Variants in LARGE1 observed in about 807,000 individuals in gnomAD.
The protein encoded by LARGE1 is LARGE xylosyl- and glucuronyltransferase 1, also known as xylosyl- and glucuronyltransferase LARGE1.
Under a neutral mutation model 87.6 loss-of-function variants are expected in LARGE1, and 43 were observed. The ratio of observed to expected loss-of-function variants is 0.49; its 90% CI spans 0.38 to 0.63. The LOEUF (loss-of-function observed/expected upper bound fraction) is 0.63, where lower values mean the gene tolerates loss of function less well. LARGE1 is among the 30% of genes least tolerant of loss of function. LARGE1 has a pLI of 0.00. For missense variants in LARGE1, 802 were observed against 1,000.2 expected, an observed-to-expected ratio of 0.80 and a Z score of 2.67; for synonymous variants, 434 against 394.6, an observed-to-expected ratio of 1.10 and a Z score of -1.18.
chr22:33,642,302 A>T (rs991698647), intron 3 of LARGE1, among the ~76,000 whole-genome samples: 10 of 152,310 alleles, frequency 6.6e-5, no homozygotes, highest in African/African-American at 2.4e-4. Flanking sequence ...AGCAAAGGAG[A>T]AATAAAATCC....
At chr22:33,782,822 G>A (rs1253253331) in intron 1 of LARGE1, among the ~76,000 whole-genome samples, 11 of 148,050 alleles carry the variant, frequency 7.4e-5, no homozygotes, top group African/African-American at 1.8e-4. Context: ...CCAACATCAC[G>A]CCACTGCACT....
chr22:33,629,493 T>C (rs1438210790), intron 3 of LARGE1, among the ~76,000 whole-genome samples: 4 of 152,276 alleles, frequency 2.6e-5, no homozygotes, highest in Middle Eastern at 3.4e-3. Context: ...TCTGGAGGCA[T>C]AGCAGCAGGG....
At chr22:33,885,202 G>A (rs2064810546) in intron 1 of LARGE1, among the ~76,000 whole-genome samples, 1 of 103,564 alleles carries the variant, frequency 9.7e-6, no homozygotes, top group Admixed American at 1.0e-4. Context: ...GTGTTCCACA[G>A]GCGATACCAT....
At chr22:33,365,189 G>A (rs1281698642) in intron 9 of LARGE1, among the ~76,000 whole-genome samples, 1 of 152,054 alleles carries the variant, frequency 6.6e-6, no homozygotes, top group Non-Finnish European at 1.5e-5. Flanking sequence ...GCTCACTGAT[G>A]GCTGAACCTG....
intron 2 of LARGE1, among the ~76,000 whole-genome samples, chr22:33,741,616 T>A (rs1252649911): frequency 6.6e-6 from 1 of 152,192 alleles, no homozygotes; most frequent in Non-Finnish European, 1.5e-5. Flanking sequence ...AAGAGCAGGC[T>A]TCTGGCAGCA....
chr22:33,733,506 G>A (rs748004490), intron 2 of LARGE1: 1 of 152,204 alleles, frequency 6.6e-6, no homozygotes, highest in East Asian at 1.9e-4. Context: ...GCCTGCCAAA[G>A]AGACTCAAAT....
intron 12 of LARGE1, among the ~76,000 whole-genome samples, chr22:33,284,936 C>A (rs919767663): frequency 1.3e-4 from 20 of 152,184 alleles, no homozygotes; most frequent in African/African-American, 3.6e-4. Flanking sequence ...CTTTATGAGA[C>A]CTGCCATCCT....
intron 4 of LARGE1, among the ~76,000 whole-genome samples, chr22:33,606,004 A>G (rs893507698): frequency 5.3e-5 from 8 of 152,140 alleles, no homozygotes; most frequent in African/African-American, 1.4e-4. Flanking sequence ...AGCAACAGAC[A>G]AAGGCTGGGC....
chr22:33,481,220 TACACACACAC>T (rs71785834), intron 6 of LARGE1, among the ~76,000 whole-genome samples: 2 of 146,620 alleles, frequency 1.4e-5, no homozygotes, highest in Admixed American at 6.8e-5. Context: ...GCACTATAGA[TACACACACAC>T]ACACACACAC....
At chr22:33,421,980 A>T (rs1376455461) in intron 7 of LARGE1, among the ~76,000 whole-genome samples, 1 of 152,248 alleles carries the variant, frequency 6.6e-6, no homozygotes, top group African/African-American at 2.4e-5. Context: ...AGTGGAGAGA[A>T]GTAGCCCATG....
intron 2 of LARGE1, among the ~76,000 whole-genome samples, chr22:33,723,025 G>C (rs977023572): frequency 2.6e-5 from 4 of 152,084 alleles, no homozygotes; most frequent in Non-Finnish European, 5.9e-5. Flanking sequence ...GCAATGAGGA[G>C]CCACAGAAAG....
intron 1 of LARGE1, among the ~76,000 whole-genome samples, chr22:33,846,285 T>C (rs1413252588): frequency 6.6e-6 from 1 of 152,262 alleles, no homozygotes; most frequent in Non-Finnish European, 1.5e-5. Flanking sequence ...CTTATGCCTG[T>C]CTTTACTGCA....
At chr22:33,867,040 C>T (rs2064125866) in intron 1 of LARGE1, among the ~76,000 whole-genome samples, 1 of 152,112 alleles carries the variant, frequency 6.6e-6, no homozygotes, top group African/African-American at 2.4e-5. Context: ...AAGGTGGCAT[C>T]TGACAAAAAG....
chr22:33,348,280 A>ACCCCCC (rs11327050), intron 9 of LARGE1, among the ~76,000 whole-genome samples: 4 of 100,864 alleles, frequency 4.0e-5, no homozygotes, highest in Non-Finnish European at 4.1e-5. Context: ...TCCCCCACCC[A>ACCCCCC]CCCCCCCCCA....
At chr22:33,915,517 A>G (rs966568462) in intron 1 of LARGE1, among the ~76,000 whole-genome samples, 1 of 152,200 alleles carries the variant, frequency 6.6e-6, no homozygotes, top group South Asian at 2.1e-4. Flanking sequence ...TGCCAGGTGT[A>G]ATTCATGTAC....
intron 5 of LARGE1, among the ~76,000 whole-genome samples, chr22:33,593,337 C>T (rs1483897132): frequency 6.6e-6 from 1 of 152,168 alleles, no homozygotes; most frequent in Non-Finnish European, 1.5e-5. Context: ...GCCACTGCAC[C>T]TGGCCTATTG....
intron 7 of LARGE1, among the ~76,000 whole-genome samples, chr22:33,429,585 T>G (rs2067005649): frequency 6.6e-6 from 1 of 152,216 alleles, no homozygotes; most frequent in Admixed American, 6.5e-5. Flanking sequence ...CAGCGGCTTT[T>G]GTTTTACGCA....
chr22:33,421,210 AAATCAATCAATC>A (rs146615068), intron 7 of LARGE1, among the ~76,000 whole-genome samples: 40 of 141,674 alleles, frequency 2.8e-4, no homozygotes, highest in East Asian at 3.9e-4. Flanking sequence ...AAATAAAATA[AAATCAATCAATC>A]AATCAATCAA....
intron 1 of LARGE1, among the ~76,000 whole-genome samples, chr22:33,840,665 G>C (rs1219664691): frequency 4.7e-5 from 7 of 148,398 alleles, no homozygotes; most frequent in African/African-American, 1.7e-4. Flanking sequence ...ATTCGACTTA[G>C]ATTTTTCAGC....
Sources: allele counts gnomAD v4.1 joint callset (sites outside exome capture counted in the v4.1 genomes callset), GRCh38; gene constraint gnomAD v4.1.1; transcripts MANE v1.5; gene names NCBI Gene and HGNC (gene_info 2026-07-23, HGNC 2026-07-21).